Variants in ARHGEF6 observed in about 807,000 individuals in gnomAD.
ARHGEF6 encodes the protein Rac/Cdc42 guanine nucleotide exchange factor 6, also known as rho guanine nucleotide exchange factor 6.
Under a neutral mutation model 70.3 loss-of-function variants are expected in ARHGEF6, and 9 were observed. The observed-to-expected ratio is 0.13, with a 90% CI of 0.08 to 0.22. The LOEUF is 0.22. Ranked by LOEUF, ARHGEF6 falls within the 10% of genes least tolerant of loss-of-function variation. ARHGEF6 has a pLI of 1.00. For synonymous variants in ARHGEF6, 201 were observed against 207.8 expected (o/e 0.97, Z 0.28); for missense variants, 470 against 563.0 (o/e 0.83, Z 1.67).
intron 2 of ARHGEF6, chrX:136,767,753 T>C (rs1432919386): frequency 4.0e-6 from 3 of 753,479 alleles, no homozygotes; most frequent in Non-Finnish European, 4.7e-6. Flanking sequence ...GAAAGCGGCC[T>C]GGAGGCACTG....
At chrX:136,700,180 A>G (rs919299490) in intron 9 of ARHGEF6, among the ~76,000 whole-genome samples, 26 of 111,244 alleles carry the variant, frequency 2.3e-4, no homozygotes, top group African/African-American at 8.2e-4. Context: ...AGTGGATTAC[A>G]GGGAGGGATC....
chrX:136,770,716 G>A (rs1212028880), intron 2 of ARHGEF6, among the ~76,000 whole-genome samples: 2 of 112,655 alleles, frequency 1.8e-5, no homozygotes, highest in Non-Finnish European at 1.9e-5. Context: ...AATCAATAGG[G>A]CAGGCACCGT....
intron 5 of ARHGEF6, among the ~76,000 whole-genome samples, chrX:136,742,300 C>T (rs933896920): frequency 9.0e-6 from 1 of 111,073 alleles, no homozygotes; most frequent in Non-Finnish European, 1.9e-5. Context: ...GCCTGGGTGA[C>T]AGAGCAAGAC....
Position 136,698,734 on chromosome X carries a change from C to T in ARHGEF6, c.1047-7986G>A, listed in dbSNP as rs1179295118. On this transcript the variant is annotated intron_variant, in intron 9 of 21. Transcript: ENST00000250617. ...CTAAGAGAATCCTTTCTTAAAAATCCACCTTACAATAAGCACTCAGTGAAG... is the reference window on the plus strand; with the variant it reads ...CTAAGAGAATCCTTTCTTAAAAATCTACCTTACAATAAGCACTCAGTGAAG... Among the ~76,000 whole-genome samples the T allele has an allele frequency of 4.5e-5, 5 of 112,324 alleles. No homozygotes were observed. In the East Asian group the frequency reaches 1.4e-3, roughly 31 times the overall value.
At chrX:136,713,192 T>C in intron 7 of ARHGEF6, 84 bp downstream of exon 7, 6 of 836,116 alleles carry the variant, frequency 7.2e-6, no homozygotes, top group Non-Finnish European at 1.8e-6. Context: ...GCAAAATCAA[T>C]TATTCAGTGA....
chrX:136,733,742 G>C (rs1184785356), intron 5 of ARHGEF6, among the ~76,000 whole-genome samples: 1 of 112,448 alleles, frequency 8.9e-6, no homozygotes, highest in Non-Finnish European at 1.9e-5. Flanking sequence ...AGGCCACTAA[G>C]ATTCAAGGAA....
intron 9 of ARHGEF6, among the ~76,000 whole-genome samples, chrX:136,694,912 AG>A (rs1366196806): frequency 8.9e-6 from 1 of 111,830 alleles, no homozygotes; most frequent in African/African-American, 3.3e-5. Flanking sequence ...ATTTTTAACA[AG>A]ACAGCTGCAT....
intron 9 of ARHGEF6, among the ~76,000 whole-genome samples, chrX:136,701,052 T>C (rs1441823476): frequency 1.8e-5 from 2 of 111,228 alleles, no homozygotes. Context: ...CTTCAAGATA[T>C]GTCAATAGAA....
At chrX:136,767,255 G>A in intron 2 of ARHGEF6, 1 of 754,905 alleles carries the variant, frequency 1.3e-6, no homozygotes, top group Non-Finnish European at 1.6e-6. Flanking sequence ...GCGAGCGGGC[G>A]GGCAAGCCTG....
intron 2 of ARHGEF6, among the ~76,000 whole-genome samples, chrX:136,751,624 C>T (rs1287079673): frequency 9.0e-6 from 1 of 111,271 alleles, no homozygotes; most frequent in Non-Finnish European, 1.9e-5. Context: ...GCATAGCTCT[C>T]ATGACTGGGA....
intron 3 of ARHGEF6, among the ~76,000 whole-genome samples, chrX:136,746,085 G>T (rs2077092920): frequency 8.9e-6 from 1 of 111,790 alleles, no homozygotes; most frequent in African/African-American, 3.3e-5. Flanking sequence ...AAAGTCTAAA[G>T]CCCAAACATT....
At chrX:136,729,823 C>G (rs1030376527) in intron 6 of ARHGEF6, among the ~76,000 whole-genome samples, 1 of 107,846 alleles carries the variant, frequency 9.3e-6, no homozygotes, top group Non-Finnish European at 1.9e-5. Flanking sequence ...GAGTGAGACT[C>G]CATGTCAAAA....
intron 5 of ARHGEF6, among the ~76,000 whole-genome samples, chrX:136,735,575 G>C (rs760907298): frequency 9.0e-6 from 1 of 111,304 alleles, no homozygotes; most frequent in Non-Finnish European, 1.9e-5. Context: ...CAACCAGTGC[G>C]GGGGGAAATC....
intron 2 of ARHGEF6, among the ~76,000 whole-genome samples, chrX:136,763,808 G>C (rs2077286781): frequency 9.0e-6 from 1 of 111,697 alleles, no homozygotes; most frequent in African/African-American, 3.3e-5. Flanking sequence ...CTGGGCAACA[G>C]AGCGAGACTC....
intron 2 of ARHGEF6, among the ~76,000 whole-genome samples, chrX:136,776,359 C>T (rs1282720373): frequency 8.9e-6 from 1 of 111,902 alleles, no homozygotes; most frequent in Admixed American, 9.5e-5. Context: ...ACCAATGACA[C>T]AGAATAGAGA....
chrX:136,688,091 G>T, intron 10 of ARHGEF6, 100 bp from the exon 11 acceptor site: 1 of 621,288 alleles, frequency 1.6e-6, no homozygotes, highest in Non-Finnish European at 2.8e-6. Flanking sequence ...AAGATAGCAA[G>T]AGAATTTTGG....
At chrX:136,767,026 G>T (rs1407706389) in intron 2 of ARHGEF6, 2 of 658,932 alleles carry the variant, frequency 3.0e-6, no homozygotes, top group South Asian at 7.8e-5. Flanking sequence ...AGCTGGGGCT[G>T]CGAGCCACGG....
intron 5 of ARHGEF6, among the ~76,000 whole-genome samples, chrX:136,742,188 A>G (rs748859474): frequency 5.1e-4 from 57 of 111,186 alleles, no homozygotes; most frequent in Middle Eastern, 4.6e-3. Context: ...GCGTGGTGGC[A>G]GGCGCCTGTA....
Position 136,680,865 on chromosome X carries a change from C to G in ARHGEF6, c.1570G>C (p.Glu524Gln), listed in dbSNP as rs138339312. Residue 524 changes from glutamate (E) to glutamine (Q), a missense_variant, in exon 15 of 22, where the codon GAG becomes CAG. Physicochemically the swap from Glu to Gln is conservative, Grantham distance 29. This residue lies in a region of ARHGEF6 where 379 missense variants were observed against 449.3 expected (regional missense o/e 0.84). Coordinates refer to ENST00000250617, the MANE Select transcript of ARHGEF6 (RefSeq NM_004840.3). ...TTGTTACAATGGACCACAATTCTCT[C>G]CACTGTGTTACCTACATCCCCCAAT... ...CTFEITGNTV[E>Q]RIVVHCNNNQ... The G allele has an allele frequency of 2.7e-5, 33 of 1,210,154 alleles. No individual in the cohort carries two copies. In the African/African-American group the frequency reaches 5.8e-4, roughly 21 times the overall value.
Sources: allele counts gnomAD v4.1 joint callset (sites outside exome capture counted in the v4.1 genomes callset), GRCh38; gene constraint gnomAD v4.1.1; regional missense constraint gnomAD v4.1.1; transcripts MANE v1.5; gene names NCBI Gene and HGNC (gene_info 2026-07-23, HGNC 2026-07-21).